Variants in PRR16 observed in about 807,000 individuals in gnomAD.
PRR16 encodes the protein proline rich 16, also known as protein Largen.
A neutral mutation model predicts 18.2 loss-of-function variants in PRR16; 6 were observed. The observed-to-expected ratio is 0.33, with a 90% CI of 0.18 to 0.65. The LOEUF (loss-of-function observed/expected upper bound fraction) is 0.65. Among genes scored for constraint, PRR16 ranks in the 30% least tolerant of loss-of-function variants. The pLI, the probability that PRR16 is intolerant of heterozygous loss-of-function variation, is 0.74. For synonymous variants in PRR16, 151 were observed against 147.8 expected, an observed-to-expected ratio of 1.02 and a Z score of -0.16; for missense variants, 412 against 376.6, an observed-to-expected ratio of 1.09 and a Z score of -0.78.
Position 120,646,469 on chromosome 5 carries a change from GA to G in PRR16, c.160-39482del, listed in dbSNP as rs528478952. 3.0e-3 allele frequency among the ~76,000 whole-genome samples: 450 copies of G among 152,050 alleles called. 2 individuals carry two copies. The highest frequency in any genetic ancestry group is 4.1e-3 in the Non-Finnish European group (278 of 67,934). Reference sequence around the variant, plus strand: ...CGTCATTAGCAAAGTTATAAATCAGGAAAGCTCAGACACTTGCCTGAATCTC... The same window carrying G: ...CGTCATTAGCAAAGTTATAAATCAGGAAGCTCAGACACTTGCCTGAATCTC... On this transcript the variant is annotated intron_variant, in intron 1 of 1. Transcript: ENST00000407149.
At chr5:120,754,570 ATT>A in the PRR16 span, among the ~76,000 whole-genome samples, 3 of 57,682 alleles carry the variant, frequency 5.2e-5, no homozygotes, top group East Asian at 1.0e-3. Flanking sequence ...TATATAATAT[ATT>A]TATATTTTAT....
intron 1 of PRR16, among the ~76,000 whole-genome samples, chr5:120,539,689 A>G (rs919561031): frequency 6.6e-6 from 1 of 152,100 alleles, no homozygotes; most frequent in East Asian, 1.9e-4. Context: ...AAAAAAAACA[A>G]TGCTATCTGT....
chr5:120,502,630 A>G (rs1178230861), intron 1 of PRR16, among the ~76,000 whole-genome samples: 4 of 152,156 alleles, frequency 2.6e-5, no homozygotes, highest in Non-Finnish European at 4.4e-5. Flanking sequence ...GTCTTGGTTT[A>G]GATTCTAGCC....
the PRR16 span, among the ~76,000 whole-genome samples, chr5:120,737,376 T>C: frequency 6.8e-6 from 1 of 146,294 alleles, no homozygotes; most frequent in Non-Finnish European, 1.5e-5. Flanking sequence ...TTTTTTTGCT[T>C]CAATTGAGAT....
the PRR16 span, among the ~76,000 whole-genome samples, chr5:120,706,733 CAAGA>C: frequency 1.0e-3 from 159 of 152,218 alleles, 2 homozygotes; most frequent in African/African-American, 3.7e-3. Context: ...GTTAAACAGA[CAAGA>C]AAGATTTTAT....
intron 1 of PRR16, among the ~76,000 whole-genome samples, chr5:120,469,501 T>C (rs948894943): frequency 1.3e-5 from 2 of 152,064 alleles, no homozygotes; most frequent in Non-Finnish European, 2.9e-5. Flanking sequence ...TTTTAATTTT[T>C]TTTTTTTTGA....
intron 1 of PRR16, among the ~76,000 whole-genome samples, chr5:120,646,028 T>A (rs1334199966): frequency 8.4e-6 from 1 of 118,836 alleles, no homozygotes; most frequent in Admixed American, 9.5e-5. Flanking sequence ...AAGCTCAAAT[T>A]ACAAAAAAAA....
intron 1 of PRR16, among the ~76,000 whole-genome samples, chr5:120,503,282 G>A (rs913474770): frequency 3.9e-5 from 6 of 152,026 alleles, no homozygotes; most frequent in Non-Finnish European, 8.8e-5. Context: ...TACTTAAAAA[G>A]GGGTGCAAAT....
At chr5:120,696,841 G>T in the PRR16 span, among the ~76,000 whole-genome samples, 1 of 152,200 alleles carries the variant, frequency 6.6e-6, no homozygotes, top group Non-Finnish European at 1.5e-5. Flanking sequence ...ATAGCTCAAT[G>T]TAGCCATTCC....
At chr5:120,740,917 T>C in the PRR16 span, among the ~76,000 whole-genome samples, 3 of 152,118 alleles carry the variant, frequency 2.0e-5, no homozygotes, top group Non-Finnish European at 4.4e-5. Flanking sequence ...CATTTTACTT[T>C]CATAGCAAAA....
At chr5:120,647,205 T>C (rs1755630722) in intron 1 of PRR16, among the ~76,000 whole-genome samples, 1 of 151,374 alleles carries the variant, frequency 6.6e-6, no homozygotes, top group Non-Finnish European at 1.5e-5. Flanking sequence ...AAAAAGGAAA[T>C]GTTGGAATAC....
intron 1 of PRR16, among the ~76,000 whole-genome samples, chr5:120,488,003 T>C (rs1183784701): frequency 6.6e-6 from 1 of 152,254 alleles, no homozygotes; most frequent in Non-Finnish European, 1.5e-5. Flanking sequence ...GAAGCCCACT[T>C]GATCATGGTG....
At chr5:120,658,693 A>G (rs1370764896) in intron 1 of PRR16, among the ~76,000 whole-genome samples, 2 of 151,982 alleles carry the variant, frequency 1.3e-5, no homozygotes, top group East Asian at 3.9e-4. Flanking sequence ...TAAAATTTAT[A>G]TAAGGAACTC....
chr5:120,565,672 T>A (rs768130149), intron 1 of PRR16, among the ~76,000 whole-genome samples: 11 of 152,202 alleles, frequency 7.2e-5, no homozygotes, highest in Non-Finnish European at 1.2e-4. Context: ...AAATAATACA[T>A]GCTACTAAAA....
intron 1 of PRR16, among the ~76,000 whole-genome samples, chr5:120,595,766 G>A (rs1027500111): frequency 6.6e-6 from 1 of 151,866 alleles, no homozygotes; most frequent in African/African-American, 2.4e-5. Flanking sequence ...TTCTCCTTTT[G>A]CCATTTAGTA....
the PRR16 span, among the ~76,000 whole-genome samples, chr5:120,692,564 C>G: frequency 2.6e-5 from 4 of 152,186 alleles, no homozygotes; most frequent in Non-Finnish European, 4.4e-5. Context: ...TGTTTGTAGT[C>G]CCCTTGCCCA....
intron 1 of PRR16, among the ~76,000 whole-genome samples, chr5:120,639,708 C>T (rs1245043328): frequency 6.6e-6 from 1 of 151,718 alleles, no homozygotes; most frequent in Non-Finnish European, 1.5e-5. Context: ...ATACACTGTG[C>T]AGTCACTGTG....
intron 1 of PRR16, among the ~76,000 whole-genome samples, chr5:120,555,673 G>A (rs1487431334): frequency 6.6e-6 from 1 of 151,798 alleles, no homozygotes; most frequent in African/African-American, 2.4e-5. Context: ...TCACTTTGGG[G>A]TTAGGGCTTC....
intron 1 of PRR16, among the ~76,000 whole-genome samples, chr5:120,560,333 G>A (rs927758305): frequency 6.6e-6 from 1 of 151,648 alleles, no homozygotes; most frequent in African/African-American, 2.4e-5. Flanking sequence ...TTTCTTAAGG[G>A]TTTTTATCAT....
Sources: allele counts gnomAD v4.1 joint callset (sites outside exome capture counted in the v4.1 genomes callset), GRCh38; gene constraint gnomAD v4.1.1; transcripts MANE v1.5; gene names NCBI Gene and HGNC (gene_info 2026-07-23, HGNC 2026-07-21).